The following TEX14 variants were observed in gnomAD, a reference collection of about 807,000 sequenced individuals.
TEX14 encodes the protein testis expressed 14, intercellular bridge forming factor, also known as inactive serine/threonine-protein kinase TEX14.
Under a neutral mutation model 178.6 loss-of-function variants are expected in TEX14, and 168 were observed. The ratio of observed to expected loss-of-function variants is 0.94; its 90% CI spans 0.83 to 1.07. The LOEUF (loss-of-function observed/expected upper bound fraction) is 1.07, where lower values mean the gene tolerates loss of function less well. TEX14 is among the 50% of genes least tolerant of loss of function. The pLI is 0.00. For synonymous variants in TEX14, 626 were observed against 634.1 expected (o/e 0.99, Z 0.19); for missense variants, 1,730 against 1,753.6 (o/e 0.99, Z 0.24).
At chr17:58,626,470 T>A (rs2144563162) in intron 3 of TEX14, among the ~76,000 whole-genome samples, 1 of 149,710 alleles carries the variant, frequency 6.7e-6, no homozygotes, top group African/African-American at 2.5e-5. Flanking sequence ...CCTGGAAGGC[T>A]GAGGCAGGAG....
intron 3 of TEX14, among the ~76,000 whole-genome samples, chr17:58,629,813 C>T (rs534746302): frequency 4.2e-4 from 63 of 148,496 alleles, no homozygotes; most frequent in African/African-American, 1.4e-3. Context: ...CCAGCCTGGG[C>T]GACAGAGCTA....
At chr17:58,650,527 C>CT (rs2046818313) in intron 2 of TEX14, among the ~76,000 whole-genome samples, 1 of 152,274 alleles carries the variant, frequency 6.6e-6, no homozygotes. Context: ...GGTTTGATAA[C>CT]TTATTTTTTT....
At position 58,659,357 on chromosome 17, in the gene TEX14, C is replaced by G. The variant is rs78947746; in HGVS notation, c.-1-7355G>C. 2.4e-3 allele frequency: 2,367 copies of G among 982,542 alleles called. 57 individuals are homozygous for G. In the African/African-American group the frequency reaches 0.039, roughly 16 times the overall value. The allele number at this position is 982,542 out of a possible 1,614,324, so 60.9% of individuals were successfully genotyped here. The stretch of plus-strand genomic sequence containing the variant: ...ACCATCGTCCTCAACACACAACATA[C>G]TCATGGCAAATTGTATTATGAGTTG... On this transcript the variant is annotated intron_variant, in intron 1 of 31. Transcript: ENST00000349033.
At chr17:58,687,761 G>A (rs1598441930) in intron 1 of TEX14, among the ~76,000 whole-genome samples, 1 of 152,196 alleles carries the variant, frequency 6.6e-6, no homozygotes, top group South Asian at 2.1e-4. Flanking sequence ...ACCTGAAAAT[G>A]TCTCGTTATT....
chr17:58,582,798 A>G (rs1043154201), intron 19 of TEX14, among the ~76,000 whole-genome samples: 1 of 149,436 alleles, frequency 6.7e-6, no homozygotes, highest in Non-Finnish European at 1.5e-5. Flanking sequence ...TCCTGACCTC[A>G]AGTGATCCTC....
chr17:58,654,445 C>T (rs559521306), intron 1 of TEX14, among the ~76,000 whole-genome samples: 26 of 150,706 alleles, frequency 1.7e-4, no homozygotes, highest in Admixed American at 2.6e-4. Flanking sequence ...GGTGCACTCC[C>T]GCTTATAGGC....
chr17:58,601,677 G>A, intron 13 of TEX14, 129 bp downstream of exon 13: 1 of 860,814 alleles, frequency 1.2e-6, no homozygotes, highest in Non-Finnish European at 1.9e-6. Context: ...CTGGGCAATA[G>A]AGCTAGACTT....
chr17:58,564,220 G>A (rs2044350305), intron 28 of TEX14: 1 of 152,164 alleles, frequency 6.6e-6, no homozygotes, highest in African/African-American at 2.4e-5. Context: ...GGATCTCAAA[G>A]AGATATCCGT....
chr17:58,573,413 T>C, intron 22 of TEX14, 105 bp from the exon 23 acceptor site: 2 of 1,087,702 alleles, frequency 1.8e-6, no homozygotes, highest in Non-Finnish European at 1.3e-6. Context: ...AAAATTTGTA[T>C]GTGGCAATAG....
intron 1 of TEX14, among the ~76,000 whole-genome samples, chr17:58,686,184 A>C (rs1302447329): frequency 6.6e-6 from 1 of 152,054 alleles, no homozygotes; most frequent in African/African-American, 2.4e-5. Context: ...AAAATTTTTA[A>C]AAATTAGCTA....
rs192786976 is a variant in TEX14, at chr17:58,587,093, A to T, written c.2788+488T>A. 2.7e-4 allele frequency among the ~76,000 whole-genome samples: 41 copies of T among 152,308 alleles called. No individual in the cohort carries two copies. In the Middle Eastern group the frequency reaches 0.014, roughly 51 times the overall value. ...GTGTACATAGCTCACATTTATTTCA[A>T]TGTTTAATATTAGAAGTGTCTTGGT... On this transcript the variant is annotated intron_variant, in intron 17 of 31. Transcript: ENST00000349033.
intron 3 of TEX14, among the ~76,000 whole-genome samples, chr17:58,623,604 C>A (rs1249314859): frequency 6.6e-6 from 1 of 152,102 alleles, no homozygotes; most frequent in East Asian, 1.9e-4. Context: ...GAAGGGACAG[C>A]CTTTAATGTG....
chr17:58,660,664 A>C (rs929357510), intron 1 of TEX14: 2 of 783,774 alleles, frequency 2.6e-6, no homozygotes, highest in African/African-American at 3.4e-5. Flanking sequence ...GTGTTTGTTC[A>C]TCATCCTCTT....
chr17:58,637,762 G>C (rs1054154427), intron 2 of TEX14, among the ~76,000 whole-genome samples: 3 of 151,976 alleles, frequency 2.0e-5, no homozygotes, highest in African/African-American at 7.3e-5. Context: ...AGTTCTATGA[G>C]CCACTCTAGC....
At chr17:58,638,854 CTTTTTT>C (rs1210311633) in intron 2 of TEX14, among the ~76,000 whole-genome samples, 2 of 75,094 alleles carry the variant, frequency 2.7e-5, no homozygotes, top group Admixed American at 1.9e-4. Flanking sequence ...GACTATTATT[CTTTTTT>C]TTTTTTTTTT....
At chr17:58,676,453 G>T (rs1409229505) in intron 1 of TEX14, among the ~76,000 whole-genome samples, 2 of 151,248 alleles carry the variant, frequency 1.3e-5, no homozygotes, top group South Asian at 4.2e-4. Context: ...TCAGCTACTC[G>T]GGAGGCTGAG....
intron 10 of TEX14, among the ~76,000 whole-genome samples, chr17:58,610,376 G>A (rs527558022): frequency 3.5e-4 from 53 of 152,272 alleles, no homozygotes; most frequent in Admixed American, 1.0e-3. Context: ...TGCAATGTGG[G>A]AGGCAGTAAC....
chr17:58,656,307 T>C (rs147703251), intron 1 of TEX14, among the ~76,000 whole-genome samples: 1 of 151,998 alleles, frequency 6.6e-6, no homozygotes, highest in African/African-American at 2.4e-5. Flanking sequence ...TAGCCGGATG[T>C]GGTGGCGGGC....
At chr17:58,649,356 A>G (rs979827127) in intron 2 of TEX14, among the ~76,000 whole-genome samples, 47 of 152,142 alleles carry the variant, frequency 3.1e-4, no homozygotes, top group Admixed American at 6.6e-5. Context: ...CTGGGATTAC[A>G]GGCATGAGTC....
Sources: gnomAD v4.1 joint callset for allele counts (sites outside exome capture counted in the v4.1 genomes callset) on GRCh38, gnomAD v4.1.1 for gene constraint, MANE v1.5 for transcripts, NCBI Gene and HGNC (gene_info 2026-07-23, HGNC 2026-07-21) for gene names.